ANKMY2: variants seen among roughly 807,000 people sequenced by gnomAD.
The protein encoded by ANKMY2 is ankyrin repeat and MYND domain-containing protein 2.
In ANKMY2, 36 loss-of-function variants were observed where a neutral mutation model predicts 50.4. That is an observed-to-expected ratio of 0.71 (90% confidence interval 0.55 to 0.94). ANKMY2 has a LOEUF of 0.94. Among genes scored for constraint, ANKMY2 ranks in the 40% least tolerant of loss-of-function variants. The probability of loss-of-function intolerance (pLI) is 0.00; values close to 1 mark genes in which losing one functional copy is unlikely to be tolerated. For missense variants in ANKMY2, 565 were observed against 524.0 expected (o/e 1.08, Z -0.76); for synonymous variants, 187 against 178.8 (o/e 1.05, Z -0.36).
At chr7:16,638,080 C>T (rs951668110) in intron 1 of ANKMY2, among the ~76,000 whole-genome samples, 3 of 152,216 alleles carry the variant, frequency 2.0e-5, no homozygotes, top group African/African-American at 7.2e-5. Context: ...TTCTCTCCTG[C>T]TTAACTCTCA....
At chr7:16,631,691 T>C (rs113306658) in intron 2 of ANKMY2, among the ~76,000 whole-genome samples, 5,697 of 151,842 alleles carry the variant, frequency 0.038, 375 homozygotes, top group African/African-American at 0.13. Flanking sequence ...CTCAGCTCAC[T>C]GCAACTTCCG....
intron 4 of ANKMY2, among the ~76,000 whole-genome samples, chr7:16,621,358 A>G (rs971569509): frequency 7.9e-5 from 12 of 152,220 alleles, no homozygotes; most frequent in African/African-American, 2.9e-4. Flanking sequence ...AATTGGATGG[A>G]AAGTCCTAAC....
chr7:16,641,483 C>CCATATTTTT (rs1781744758), intron 1 of ANKMY2, among the ~76,000 whole-genome samples: 1 of 152,168 alleles, frequency 6.6e-6, no homozygotes, highest in South Asian at 2.1e-4. Flanking sequence ...AGCCATCCAA[C>CCATATTTTT]TAATGGTAAC....
At chr7:16,640,884 T>A in intron 1 of ANKMY2, among the ~76,000 whole-genome samples, 1 of 152,184 alleles carries the variant, frequency 6.6e-6, no homozygotes, top group Non-Finnish European at 1.5e-5. Flanking sequence ...AAGGAATATA[T>A]AATCAAGTTA....
chr7:16,602,537 T>C, intron 8 of ANKMY2, 28 bp from the exon 9 acceptor site: 1 of 1,603,394 alleles, frequency 6.2e-7, no homozygotes, highest in South Asian at 1.1e-5. Context: ...TTTATTTTCA[T>C]TTCCAGAGCT....
chr7:16,639,824 T>C (rs1368094811), intron 1 of ANKMY2, among the ~76,000 whole-genome samples: 1 of 152,144 alleles, frequency 6.6e-6, no homozygotes, highest in African/African-American at 2.4e-5. Flanking sequence ...TCTCTTCTAC[T>C]ACATTATAGC....
chr7:16,614,793 C>G (rs573644811), intron 5 of ANKMY2, among the ~76,000 whole-genome samples: 12 of 152,314 alleles, frequency 7.9e-5, no homozygotes, highest in African/African-American at 2.6e-4. Flanking sequence ...TTTGACACAA[C>G]TTAGTATCTT....
At chr7:16,644,499 T>A (rs1238807812) in intron 1 of ANKMY2, 2 of 328,488 alleles carry the variant, frequency 6.1e-6, no homozygotes, top group African/African-American at 4.5e-5. Flanking sequence ...GCCTGGCTAC[T>A]AAGTAAATAA....
chr7:16,616,367 T>A (rs1337618474), intron 4 of ANKMY2, among the ~76,000 whole-genome samples: 1 of 151,202 alleles, frequency 6.6e-6, no homozygotes, highest in Non-Finnish European at 1.5e-5. Context: ...CTCCCCCTTA[T>A]CCCCTACCCC....
At chr7:16,636,280 G>T in intron 2 of ANKMY2, 111 bp downstream of exon 2, 1 of 700,250 alleles carries the variant, frequency 1.4e-6, no homozygotes, top group African/African-American at 2.1e-5. Flanking sequence ...TCCAGCCTGG[G>T]CGAAAGAGCA....
chr7:16,628,678 G>A (rs1463625896), intron 2 of ANKMY2, among the ~76,000 whole-genome samples: 1 of 152,130 alleles, frequency 6.6e-6, no homozygotes, highest in Non-Finnish European at 1.5e-5. Context: ...CTAGTGTGTA[G>A]CCTGAGGGGT....
chr7:16,615,875 TG>T lies in ANKMY2; in HGVS notation c.399del (p.Asn133LysfsTer47). On this transcript the variant is annotated frameshift_variant, in exon 5 of 10. Transcript: ENST00000306999. LOFTEE classifies it high-confidence loss of function. ...VGQHDCVTIINNFFPRERLDY... is the reference protein window; with the variant it reads ...VGQHDCVTIIXNFFPRERLDY... ...TCCAGTCTCTCTCGAGGAAAGAAAT[TG>T]TTGATTATGGTCACACAATCATGTT... is the stretch of plus-strand genomic sequence containing the variant. The T allele has an allele frequency of 6.2e-7, 1 of 1,613,784 alleles. No homozygotes were observed. Among genetic ancestry groups the T allele is most frequent in the Non-Finnish European group, 8.5e-7 (1 of 1,179,836 alleles).
At chr7:16,615,636 A>G in intron 5 of ANKMY2, 108 bp downstream of exon 5, 2 of 1,416,040 alleles carry the variant, frequency 1.4e-6, no homozygotes, top group South Asian at 1.3e-5. Flanking sequence ...TGCAAGCTCT[A>G]CAACTACAAA....
At chr7:16,641,778 A>G (rs951705993) in intron 1 of ANKMY2, among the ~76,000 whole-genome samples, 1 of 152,162 alleles carries the variant, frequency 6.6e-6, no homozygotes, top group African/African-American at 2.4e-5. Flanking sequence ...TGAATGAAAG[A>G]AGCCAGCCCC....
Position 16,615,862 on chromosome 7 carries a change from C to A in ANKMY2, c.413G>T (p.Arg138Leu). 1 of 1,613,810 alleles carries A rather than the reference C, an allele frequency of 6.2e-7. No homozygotes were observed. Among genetic ancestry groups the A allele is most frequent in the East Asian group, 2.2e-5 (1 of 44,864 alleles). ...CVTIINNFFP[R>L]ERLDYYTKPQ... ...CTTAGTGTAATAATCCAGTCTCTCT[C>A]GAGGAAAGAAATTGTTGATTATGGT... Residue 138 changes from arginine to leucine, a missense_variant, in exon 5 of 10, where the codon CGA (arginine) becomes CTA (leucine). Transcript: ENST00000306999.
At chr7:16,634,373 T>A (rs1409159100) in intron 2 of ANKMY2, among the ~76,000 whole-genome samples, 1 of 152,192 alleles carries the variant, frequency 6.6e-6, no homozygotes, top group South Asian at 2.1e-4. Context: ...GCCTAGCTTA[T>A]AACCTTAAGA....
intron 1 of ANKMY2, among the ~76,000 whole-genome samples, chr7:16,638,999 G>C (rs754772296): frequency 6.6e-6 from 1 of 152,194 alleles, no homozygotes; most frequent in Non-Finnish European, 1.5e-5. Context: ...TTGAAATGCA[G>C]GGGCTGGAAT....
At chr7:16,632,887 A>G (rs1348461782) in intron 2 of ANKMY2, among the ~76,000 whole-genome samples, 4 of 152,216 alleles carry the variant, frequency 2.6e-5, no homozygotes, top group Non-Finnish European at 4.4e-5. Flanking sequence ...TGAGGGCTCC[A>G]ATTTCTTTAC....
rs201147092 is a variant in ANKMY2 at position 16,615,885 on chromosome 7, G to A, written c.390C>T (p.Thr130=). The stretch of plus-strand genomic sequence containing the variant: ...CTCGAGGAAAGAAATTGTTGATTAT[G>A]GTCACACAATCATGTTGACCTTTTC... ...AAFVGQHDCV[T]IINNFFPRER... Residue 130 remains threonine, a synonymous_variant, in exon 5 of 10, where the codon ACC becomes ACT. Transcript: ENST00000306999. 7 of 1,612,706 alleles carry A rather than the reference G, an allele frequency of 4.3e-6. No individual in the cohort carries two copies. In the Middle Eastern group the frequency reaches 5.0e-4, roughly 114 times the overall value.
Sources: allele counts gnomAD v4.1 joint callset (sites outside exome capture counted in the v4.1 genomes callset), GRCh38; gene constraint gnomAD v4.1.1; transcripts MANE v1.5; gene names NCBI Gene and HGNC (gene_info 2026-07-23, HGNC 2026-07-21).